SLC35D1: variants seen among roughly 807,000 people sequenced by gnomAD.
SLC35D1 encodes nucleotide sugar transporter SLC35D1.
A neutral mutation model predicts 46.7 loss-of-function variants in SLC35D1; 31 were observed. The observed-to-expected ratio is 0.66, with a 90% CI of 0.50 to 0.90. The LOEUF (loss-of-function observed/expected upper bound fraction) is 0.90, where lower values mean the gene tolerates loss of function less well. SLC35D1 is among the 40% of genes least tolerant of loss of function. SLC35D1 has a pLI of 0.00. For synonymous variants in SLC35D1, 195 were observed against 164.6 expected (o/e 1.18, Z -1.41); for missense variants, 397 against 426.2 (o/e 0.93, Z 0.60).
At position 67,007,621 on chromosome 1, in the gene SLC35D1, C is replaced by T. The variant is rs80267561; in HGVS notation, c.959+1464G>A. ...ATTTTCGGAAAGGGCAATTCATGAA[C>T]CACCTGAAGAGAACTGAATATTCAT... On this transcript the variant is annotated intron_variant, in intron 11 of 11. Transcript: ENST00000235345. 4.4e-3 allele frequency among the ~76,000 whole-genome samples: 676 copies of T among 152,260 alleles called. 3 individuals carry two copies. The highest frequency in any genetic ancestry group is 0.016 in the African/African-American group (645 of 41,536).
chr1:67,047,505 T>C lies in SLC35D1; in HGVS notation c.534-138A>G, dbSNP rs183594555. 1.4e-5 allele frequency: 11 copies of C among 759,022 alleles called. No homozygotes were observed. In the Admixed American group the frequency reaches 2.0e-4, roughly 14 times the overall value. The allele number at this position is 759,022 out of a possible 1,614,324, so 47.0% of individuals were successfully genotyped here. A position where few individuals can be genotyped will look rare whatever the true frequency, so the allele number is the denominator to read the frequency against. On this transcript the variant is annotated intron_variant, in intron 6 of 11. Transcript: ENST00000235345. The stretch of plus-strand genomic sequence containing the variant: ...TTAGGCATTTTATCAGCTACTAGTA[T>C]TTCTTGATTTCTGGTCATAGTTTGC...
the SLC35D1 span, among the ~76,000 whole-genome samples, chr1:66,992,713 A>C: frequency 6.6e-6 from 1 of 152,184 alleles, no homozygotes; most frequent in Middle Eastern, 3.2e-3. Context: ...CGCTTTACCC[A>C]ACTTGTCTTT....
chr1:66,993,241 G>C, the SLC35D1 span, among the ~76,000 whole-genome samples: 4 of 152,194 alleles, frequency 2.6e-5, no homozygotes, highest in East Asian at 5.8e-4. Context: ...ATAACTACAT[G>C]GAGTACAAAA....
intron 11 of SLC35D1, chr1:67,008,420 C>T: frequency 7.8e-7 from 1 of 1,288,594 alleles, no homozygotes; most frequent in Non-Finnish European, 1.0e-6. Context: ...CAACTCTTAA[C>T]TCACAGAGAC....
chr1:67,039,103 AG>A (rs1668185911), intron 8 of SLC35D1, among the ~76,000 whole-genome samples: 2 of 152,168 alleles, frequency 1.3e-5, no homozygotes, highest in South Asian at 4.1e-4. Flanking sequence ...GTCCTAACAA[AG>A]GGAAGTTTTC....
intron 10 of SLC35D1, among the ~76,000 whole-genome samples, chr1:67,017,062 C>T (rs1403100000): frequency 6.6e-6 from 1 of 152,150 alleles, no homozygotes; most frequent in East Asian, 1.9e-4. Flanking sequence ...GGCTTAGCCT[C>T]CTGGCCTTGA....
At chr1:67,047,165 T>C in intron 7 of SLC35D1, 100 bp downstream of exon 7, 4 of 877,112 alleles carry the variant, frequency 4.6e-6, no homozygotes, top group South Asian at 2.8e-5. Flanking sequence ...TATGTCTTTC[T>C]CATCCCCAGT....
At chr1:67,020,733 C>T (rs1316676579) in intron 9 of SLC35D1, among the ~76,000 whole-genome samples, 1 of 152,206 alleles carries the variant, frequency 6.6e-6, no homozygotes, top group African/African-American at 2.4e-5. Flanking sequence ...CCTACTAATA[C>T]ACCTAAGCCA....
At chr1:67,032,850 CTAACCATTTTTTG>C (rs1263838864) in intron 8 of SLC35D1, among the ~76,000 whole-genome samples, 6 of 152,028 alleles carry the variant, frequency 3.9e-5, no homozygotes, top group Non-Finnish European at 8.8e-5. Context: ...TTCATTTTTT[CTAACCATTTTTTG>C]TATCTCTTAA....
chr1:67,012,340 T>A (rs1667582805), intron 10 of SLC35D1, among the ~76,000 whole-genome samples: 1 of 152,172 alleles, frequency 6.6e-6, no homozygotes, highest in Admixed American at 6.5e-5. Context: ...TCTGAGCTTA[T>A]TCCTGGCAAT....
chr1:66,997,519 A>ATATATATATATATAT (rs1553262616), downstream of SLC35D1, among the ~76,000 whole-genome samples: 93 of 74,004 alleles, frequency 1.3e-3, no homozygotes, highest in Non-Finnish European at 1.8e-3. Flanking sequence ...AAAAAAAAAA[A>ATATATATATATATAT]ATATATATAT....
At chr1:67,052,111 A>G in intron 3 of SLC35D1, 32 bp from the exon 4 acceptor site, 3 of 1,395,280 alleles carry the variant, frequency 2.2e-6, no homozygotes, top group Non-Finnish European at 3.1e-6. Context: ...AACAAAACTC[A>G]ATAATAAAGA....
At chr1:67,027,057 A>T (rs1667929337) in intron 8 of SLC35D1, among the ~76,000 whole-genome samples, 1 of 152,186 alleles carries the variant, frequency 6.6e-6, no homozygotes, top group Non-Finnish European at 1.5e-5. Flanking sequence ...AAACCATATC[A>T]ATTACTTAAC....
intron 10 of SLC35D1, among the ~76,000 whole-genome samples, chr1:67,018,538 C>G (rs1192731090): frequency 6.6e-6 from 1 of 152,126 alleles, no homozygotes; most frequent in African/African-American, 2.4e-5. Context: ...GACTGCAATT[C>G]TCAAACTTTA....
At chr1:67,026,764 A>G (rs547656523) in intron 8 of SLC35D1, among the ~76,000 whole-genome samples, 1 of 152,304 alleles carries the variant, frequency 6.6e-6, no homozygotes, top group African/African-American at 2.4e-5. Flanking sequence ...GTAATTTATA[A>G]AAGAAAGAGG....
chr1:67,013,041 T>C (rs557013218), intron 10 of SLC35D1, among the ~76,000 whole-genome samples: 1 of 150,970 alleles, frequency 6.6e-6, no homozygotes, highest in Admixed American at 6.6e-5. Context: ...AGCTAAAATC[T>C]GACAATAGAT....
chr1:67,047,431 A>G (rs1645264167), intron 6 of SLC35D1, 64 bp from the exon 7 acceptor site: 1 of 1,276,920 alleles, frequency 7.8e-7, no homozygotes, highest in Middle Eastern at 2.2e-4. Flanking sequence ...TTAAATAGAT[A>G]TAAGCTAAAA....
At chr1:66,980,083 C>G in the SLC35D1 span, among the ~76,000 whole-genome samples, 3 of 152,076 alleles carry the variant, frequency 2.0e-5, no homozygotes, top group South Asian at 6.2e-4. Context: ...CTTTTAACTT[C>G]CTTCATATTA....
chr1:67,035,494 T>C (rs1455714870), intron 8 of SLC35D1, among the ~76,000 whole-genome samples: 3 of 152,190 alleles, frequency 2.0e-5, no homozygotes, highest in African/African-American at 4.8e-5. Context: ...TTGCTCATAG[T>C]AGCCAATAAT....
Sources: gnomAD v4.1 joint callset for allele counts (sites outside exome capture counted in the v4.1 genomes callset) on GRCh38, gnomAD v4.1.1 for gene constraint, MANE v1.5 for transcripts, NCBI Gene and HGNC (gene_info 2026-07-23, HGNC 2026-07-21) for gene names.